AATK: variants seen among roughly 807,000 people sequenced by gnomAD.
AATK encodes the protein serine/threonine-protein kinase LMTK1.
AATK carries 91 observed loss-of-function variants against 114.3 expected under a neutral mutation model. That is an observed-to-expected ratio of 0.80 (90% CI 0.67 to 0.95). The LOEUF is 0.95. Ranked by LOEUF, AATK falls within the 40% of genes least tolerant of loss-of-function variation. The pLI is 0.00. For synonymous variants in AATK, 1,075 were observed against 916.5 expected, an observed-to-expected ratio of 1.17 and a Z score of -3.12; for missense variants, 2,176 against 1,965.2, an observed-to-expected ratio of 1.11 and a Z score of -2.03.
rs755987684 is a variant in AATK, at chr17:81,119,473, G to C, written c.3991C>G (p.Pro1331Ala). 2.6e-6 allele frequency: 4 copies of C among 1,512,392 alleles called. No homozygotes were observed. The highest frequency in any genetic ancestry group is 1.8e-6 in the Non-Finnish European group (2 of 1,133,834). 93.7% of individuals were successfully genotyped at this position (1,512,392 alleles called of 1,614,324 possible). The change falls in exon 13 of 14, where the codon CCC becomes GCC. Residue 1331 changes from proline to alanine, a missense_variant. Around this residue, in one of 4 missense-constraint regions of AATK, gnomAD observed 1,701 missense variants for 1,394.7 expected, o/e 1.22. Coordinates refer to ENST00000326724, the MANE Select transcript of AATK (RefSeq NM_001080395.3). ...APAPAAPTPT[P>A]APFSRFTVSP... ...ACCGTGAAGCGCGAGAAGGGAGCGGGCGTGGGCGTGGGCGCAGCCGGGGCG... is the reference window on the plus strand; with the variant it reads ...ACCGTGAAGCGCGAGAAGGGAGCGGCCGTGGGCGTGGGCGCAGCCGGGGCG...
At position 81,122,046 on chromosome 17, in the gene AATK, G is replaced by A. The variant is rs373425173; in HGVS notation, c.1890C>T (p.Gly630=). 41 of 1,596,798 alleles carry A rather than the reference G, an allele frequency of 2.6e-5. No homozygotes were observed. Among genetic ancestry groups the A allele is most frequent in the Non-Finnish European group, 3.0e-5 (35 of 1,178,426 alleles). ...AEGGAEDADW[G]VAAFCPAFFE... ...AGAAGGCAGGACAGAAGGCGGCCAC[G>A]CCCCAGTCTGCATCCTCCGCTCCTC... The change falls in exon 11 of 14, where the codon GGC becomes GGT. Residue 630 remains glycine (G), a synonymous_variant. Coordinates refer to ENST00000326724, the MANE Select transcript of AATK (RefSeq NM_001080395.3).
intron 1 of AATK, chr17:81,136,183 T>A (rs939061411): frequency 2.0e-5 from 3 of 152,386 alleles, no homozygotes; most frequent in African/African-American, 7.2e-5. Flanking sequence ...TCCACACCCC[T>A]CTAACACCTT....
chr17:81,145,692 C>T (rs2061207554), intron 1 of AATK, among the ~76,000 whole-genome samples: 1 of 145,596 alleles, frequency 6.9e-6, no homozygotes, highest in African/African-American at 2.6e-5. Context: ...GAAATCGTGC[C>T]ATTGCACTCC....
In AATK at chr17:81,118,408, C is replaced by T; in HGVS notation, c.4119G>A (p.Glu1373=). The change falls in exon 14 of 14, where the codon GAG becomes GAA. Residue 1373 remains glutamate (E), a synonymous_variant. Transcript: ENST00000326724. The part of the protein sequence containing the change: ...PEAGAGGESK[E]A Reference sequence around the variant, plus strand: ...GGCAGGAGCTGCCCAGGTCTCAAGCCTCTTTACTCTCACCCCCGGCACCAG... The same window carrying T: ...GGCAGGAGCTGCCCAGGTCTCAAGCTTCTTTACTCTCACCCCCGGCACCAG... The T allele has an allele frequency of 1.9e-6, 3 of 1,608,072 alleles. No individual in the cohort carries two copies. The highest frequency in any genetic ancestry group is 1.7e-6 in the Non-Finnish European group (2 of 1,178,042).
At chr17:81,125,866 G>A (rs1324849613) in intron 7 of AATK, 1 of 466,902 alleles carries the variant, frequency 2.1e-6, no homozygotes, top group Non-Finnish European at 4.4e-6. Flanking sequence ...GGCAGGTCGG[G>A]AGGCTGGCAG....
chr17:81,153,874 C>T (rs912182569), intron 1 of AATK, among the ~76,000 whole-genome samples: 5 of 152,100 alleles, frequency 3.3e-5, no homozygotes, highest in African/African-American at 1.2e-4. Flanking sequence ...AGTTCGAGAC[C>T]ATCCTGGCCA....
At chr17:81,158,992 T>G (rs1205721108) in intron 1 of AATK, among the ~76,000 whole-genome samples, 1 of 152,100 alleles carries the variant, frequency 6.6e-6, no homozygotes. Flanking sequence ...CACAGGACCC[T>G]GCTTATGAGA....
At chr17:81,137,998 C>A (rs979509685) in intron 1 of AATK, among the ~76,000 whole-genome samples, 19 of 144,646 alleles carry the variant, frequency 1.3e-4, no homozygotes, top group African/African-American at 4.9e-4. Flanking sequence ...GCACACACCC[C>A]CACACACGTA....
At position 81,122,321 on chromosome 17, in the gene AATK, G is replaced by T. The variant is rs1001982628; in HGVS notation, c.1615C>A (p.Pro539Thr). The change falls in exon 11 of 14, where the codon CCC becomes ACC. Residue 539 changes from proline (P) to threonine (T), a missense_variant. This residue lies in a region of AATK where 1,701 missense variants were observed against 1,394.7 expected (regional missense o/e 1.22). Coordinates refer to ENST00000326724, the MANE Select transcript of AATK (RefSeq NM_001080395.3). ...EYFIRLEEAA[P>T]AAGHDPDCAG... ...CAGTCAGGGTCGTGGCCGGCGGCGG[G>T]TGCGGCCTCCTCTAGGCGGATGAAG... 2 of 1,511,340 alleles carry T rather than the reference G, an allele frequency of 1.3e-6. No individual in the cohort carries two copies. The highest frequency in any genetic ancestry group is 1.8e-6 in the Non-Finnish European group (2 of 1,134,764). The allele number at this position is 1,511,340 out of a possible 1,614,324, so 93.6% of individuals were successfully genotyped here.
chr17:81,125,167 A>G (rs1013701947), intron 7 of AATK, 153 bp from the exon 8 acceptor site: 1 of 732,008 alleles, frequency 1.4e-6, no homozygotes, highest in African/African-American at 1.8e-5. Context: ...CCAGGCTGGA[A>G]GGGGCGTTGG....
chr17:81,136,655 T>TG (rs983665173), intron 1 of AATK, among the ~76,000 whole-genome samples: 62 of 152,052 alleles, frequency 4.1e-4, no homozygotes, highest in African/African-American at 1.4e-3. Context: ...TGGGCGGCCA[T>TG]GGGGGGTCAT....
chr17:81,159,629 G>C (rs575038628), intron 1 of AATK, among the ~76,000 whole-genome samples: 58 of 152,108 alleles, frequency 3.8e-4, no homozygotes, highest in Non-Finnish European at 7.2e-4. Context: ...CCCTTGTTCA[G>C]AGTCACTAAG....
Position 81,118,354 on chromosome 17 carries a change from C to G in AATK, c.*48G>C, listed in dbSNP as rs1249775091. On this transcript the variant is annotated 3_prime_UTR_variant, in exon 14 of 14. Transcript: ENST00000326724. ...GGTCACCATCCTCGCTGCTGCCTGG[C>G]AGGGGCTCCGGTGACGCCAGCCTTG... The G allele has an allele frequency of 1.3e-6, 2 of 1,563,118 alleles. No individual in the cohort carries two copies. The highest frequency in any genetic ancestry group is 2.7e-5 in the African/African-American group (2 of 73,504).
intron 1 of AATK, among the ~76,000 whole-genome samples, chr17:81,139,046 AC>A (rs2061082562): frequency 6.6e-6 from 1 of 152,224 alleles, no homozygotes; most frequent in Non-Finnish European, 1.5e-5. Flanking sequence ...ACAGGCACAC[AC>A]ACCCGCACAT....
chr17:81,119,311 G>C (rs892359665), intron 13 of AATK, 69 bp downstream of exon 13: 6 of 1,311,506 alleles, frequency 4.6e-6, no homozygotes, highest in Admixed American at 2.9e-5. Context: ...AGACGGAGGG[G>C]CCCCACCCTC....
Position 81,120,501 on chromosome 17 carries a change from C to G in AATK, c.3435G>C (p.Leu1145=). The G allele has an allele frequency of 6.7e-7, 1 of 1,496,108 alleles. No homozygotes were observed. 92.7% of individuals were successfully genotyped at this position (1,496,108 alleles called of 1,614,324 possible). A position where few individuals can be genotyped will look rare whatever the true frequency, so the allele number is the denominator to read the frequency against. ...GPGTPRAPLR[L]ALPGLPAALE... is the part of the protein sequence containing the mutation. ...AGGCCGCAGGGAGGCCGGGCAGAGC[C>G]AGGCGGAGTGGGGCTCTGGGGGTGC... The change falls in exon 11 of 14, where the codon CTG becomes CTC. Residue 1145 remains leucine, a synonymous_variant. Coordinates refer to ENST00000326724, the MANE Select transcript of AATK (RefSeq NM_001080395.3).
At chr17:81,123,582 C>G (rs1411269317) in intron 9 of AATK, among the ~76,000 whole-genome samples, 1 of 152,192 alleles carries the variant, frequency 6.6e-6, no homozygotes, top group Non-Finnish European at 1.5e-5. Context: ...GCCGGGCTGG[C>G]CGAATCCATC....
At chr17:81,165,602 C>A (rs531462374) in intron 1 of AATK, 6 of 1,398,188 alleles carry the variant, frequency 4.3e-6, no homozygotes, top group Non-Finnish European at 5.7e-6. Flanking sequence ...TGACACCCCC[C>A]ACACCCCCAA....
rs780129026 is a variant in AATK at position 81,121,658 on chromosome 17, G to A, written c.2278C>T (p.Leu760=). 1.5e-5 allele frequency: 22 copies of A among 1,499,918 alleles called. No individual in the cohort carries two copies. The highest frequency in any genetic ancestry group is 1.9e-5 in the Non-Finnish European group (21 of 1,128,416). The allele number at this position is 1,499,918 out of a possible 1,614,324, so 92.9% of individuals were successfully genotyped here. A position where few individuals can be genotyped will look rare whatever the true frequency, so the allele number is the denominator to read the frequency against. Residue 760 remains leucine (L), a synonymous_variant, in exon 11 of 14, where the codon CTG becomes TTG. Transcript: ENST00000326724. Reference sequence around the variant, plus strand: ...GTCTCTGTCCAGGAGGGTGTAACCAGGCAGGGAGCAGGTGCCAGGCCCTGG... The same window carrying A: ...GTCTCTGTCCAGGAGGGTGTAACCAAGCAGGGAGCAGGTGCCAGGCCCTGG... ...SAQGLAPAPC[L]VTPSWTETAS...
Sources: allele counts gnomAD v4.1 joint callset (sites outside exome capture counted in the v4.1 genomes callset), GRCh38; gene constraint gnomAD v4.1.1; regional missense constraint gnomAD v4.1.1; transcripts MANE v1.5; gene names NCBI Gene and HGNC (gene_info 2026-07-23, HGNC 2026-07-21).